Variants in MECOM observed in about 807,000 individuals in gnomAD.
The protein encoded by MECOM is histone-lysine N-methyltransferase MECOM.
MECOM carries 13 observed loss-of-function variants against 116.3 expected under a neutral mutation model. That is an observed-to-expected ratio of 0.11 (90% confidence interval 0.07 to 0.18). The LOEUF is 0.18. MECOM is among the 10% of genes least tolerant of loss of function. The probability of loss-of-function intolerance (pLI) is 1.00; values close to 1 mark genes in which losing one functional copy is unlikely to be tolerated. For synonymous variants in MECOM, 528 were observed against 535.2 expected (o/e 0.99, Z 0.19); for missense variants, 1,299 against 1,509.0 (o/e 0.86, Z 2.31).
At chr3:169,094,643 T>A (rs1255648185) in intron 13 of MECOM, among the ~76,000 whole-genome samples, 1 of 152,244 alleles carries the variant, frequency 6.6e-6, no homozygotes, top group African/African-American at 2.4e-5. Flanking sequence ...TTCTCTGAGC[T>A]GCAGGCCTTT....
intron 2 of MECOM, chr3:169,145,482 T>G (rs1739588881): frequency 4.3e-6 from 1 of 231,546 alleles, no homozygotes; most frequent in African/African-American, 2.2e-5. Flanking sequence ...TTCAGTCTGT[T>G]TGGTTTCTGG....
At chr3:169,161,123 T>G (rs1742782089) in intron 2 of MECOM, among the ~76,000 whole-genome samples, 1 of 152,210 alleles carries the variant, frequency 6.6e-6, no homozygotes, top group African/African-American at 2.4e-5. Context: ...TAGTGTACAT[T>G]GATGATTAAG....
At chr3:169,547,233 GCTCT>G (rs1277530386) in intron 1 of MECOM, among the ~76,000 whole-genome samples, 4 of 151,958 alleles carry the variant, frequency 2.6e-5, no homozygotes, top group East Asian at 1.9e-4. Flanking sequence ...GTGCTGTCTC[GCTCT>G]CTCTCTCCTG....
chr3:169,473,895 T>C (rs1268217600), intron 1 of MECOM, among the ~76,000 whole-genome samples: 1 of 147,128 alleles, frequency 6.8e-6, no homozygotes, highest in African/African-American at 2.6e-5. Flanking sequence ...GTATTCATTA[T>C]ATCTATAGAT....
chr3:169,154,325 A>G (rs561286972), intron 2 of MECOM, among the ~76,000 whole-genome samples: 1 of 152,304 alleles, frequency 6.6e-6, no homozygotes, highest in South Asian at 2.1e-4. Context: ...ACAGACTTTA[A>G]GTACCAAGAG....
chr3:169,378,214 C>T (rs1299022857), intron 2 of MECOM, among the ~76,000 whole-genome samples: 3 of 151,128 alleles, frequency 2.0e-5, no homozygotes. Flanking sequence ...TGAGAAATAC[C>T]TAATGTAGAT....
chr3:169,609,544 G>A (rs1768999730), intron 1 of MECOM, among the ~76,000 whole-genome samples: 1 of 151,950 alleles, frequency 6.6e-6, no homozygotes, highest in African/African-American at 2.4e-5. Context: ...AAGCAGATTG[G>A]TGGGAGAGGA....
chr3:169,539,164 CA>C (rs1367091199), intron 1 of MECOM, among the ~76,000 whole-genome samples: 4 of 152,070 alleles, frequency 2.6e-5, no homozygotes, highest in Non-Finnish European at 5.9e-5. Flanking sequence ...TGGGTTTTAG[CA>C]ACTTCACTTG....
intron 2 of MECOM, among the ~76,000 whole-genome samples, chr3:169,294,125 TG>T (rs1482754573): frequency 6.6e-6 from 1 of 152,184 alleles, no homozygotes; most frequent in Non-Finnish European, 1.5e-5. Flanking sequence ...TAACTATTTA[TG>T]GGTTTTTTTT....
At chr3:169,231,693 G>T (rs1233356795) in intron 2 of MECOM, among the ~76,000 whole-genome samples, 1 of 150,976 alleles carries the variant, frequency 6.6e-6, no homozygotes, top group East Asian at 1.9e-4. Context: ...GAACAGAATA[G>T]AAACCAGTAT....
intron 1 of MECOM, among the ~76,000 whole-genome samples, chr3:169,397,851 G>T (rs1337766005): frequency 6.6e-6 from 1 of 152,162 alleles, no homozygotes; most frequent in Non-Finnish European, 1.5e-5. Context: ...CTTTTACCAG[G>T]TCATGCCTCT....
intron 1 of MECOM, among the ~76,000 whole-genome samples, chr3:169,623,475 C>A (rs888245443): frequency 3.3e-5 from 5 of 152,092 alleles, no homozygotes; most frequent in Non-Finnish European, 7.4e-5. Context: ...CCAGTAATAA[C>A]CCAAATTCTC....
rs191852534 is a variant in MECOM, at chr3:169,245,428, G to C, written c.376-101596C>G. 1.8e-4 allele frequency among the ~76,000 whole-genome samples: 28 copies of C among 152,296 alleles called. No homozygotes were observed. The East Asian group carries it at 5.4e-3, about 29-fold the overall frequency. On this transcript the variant is annotated intron_variant, in intron 2 of 16. Coordinates refer to ENST00000651503, the MANE Select transcript of MECOM (RefSeq NM_004991.4). ...ATTTGACAAGCTGGATTTAGACATA[G>C]TCAACACATTAAAAAGGTGGCTTAG...
chr3:169,582,935 T>C (rs1370774700), intron 1 of MECOM, among the ~76,000 whole-genome samples: 1 of 152,226 alleles, frequency 6.6e-6, no homozygotes, highest in Non-Finnish European at 1.5e-5. Flanking sequence ...AAACGAAATA[T>C]CATGTGTTCC....
At chr3:169,334,937 A>C (rs1723350472) in intron 2 of MECOM, among the ~76,000 whole-genome samples, 1 of 152,132 alleles carries the variant, frequency 6.6e-6, no homozygotes, top group Non-Finnish European at 1.5e-5. Context: ...GCATATCTGC[A>C]CTCCCTCAAT....
chr3:169,545,025 C>A (rs1365720783), intron 1 of MECOM, among the ~76,000 whole-genome samples: 1 of 151,780 alleles, frequency 6.6e-6, no homozygotes, highest in Non-Finnish European at 1.5e-5. Flanking sequence ...TATCCTGGAA[C>A]TTAAAGTAAA....
At chr3:169,106,439 C>T (rs1170907526) in intron 10 of MECOM, among the ~76,000 whole-genome samples, 1 of 152,042 alleles carries the variant, frequency 6.6e-6, no homozygotes, top group Non-Finnish European at 1.5e-5. Context: ...CTTTGTGTTA[C>T]AAACAATCCA....
chr3:169,535,705 A>T (rs956300576), intron 1 of MECOM, among the ~76,000 whole-genome samples: 2 of 152,184 alleles, frequency 1.3e-5, no homozygotes, highest in African/African-American at 4.8e-5. Flanking sequence ...ATCTCACTGG[A>T]GAAGGAACTG....
chr3:169,643,001 A>T (rs1177779049), intron 1 of MECOM, among the ~76,000 whole-genome samples: 1 of 152,224 alleles, frequency 6.6e-6, no homozygotes, highest in Non-Finnish European at 1.5e-5. Context: ...GAATATCCCC[A>T]ATCACAAAAG....
Sources: allele counts gnomAD v4.1 joint callset (sites outside exome capture counted in the v4.1 genomes callset), GRCh38; gene constraint gnomAD v4.1.1; transcripts MANE v1.5; gene names NCBI Gene and HGNC (gene_info 2026-07-23, HGNC 2026-07-21).